FSD1L: variants seen among roughly 807,000 people sequenced by gnomAD.
FSD1L encodes fibronectin type III and SPRY domain containing 1 like.
A neutral mutation model predicts 71.6 loss-of-function variants in FSD1L; 45 were observed. That is an observed-to-expected ratio of 0.63 (90% CI 0.49 to 0.81). The LOEUF is 0.81. FSD1L is among the 30% of genes least tolerant of loss of function. The pLI, the probability that FSD1L is intolerant of heterozygous loss-of-function variation, is 0.00. For synonymous variants in FSD1L, 197 were observed against 207.2 expected, an observed-to-expected ratio of 0.95 and a Z score of 0.42; for missense variants, 561 against 618.1, an observed-to-expected ratio of 0.91 and a Z score of 0.98.
intron 13 of FSD1L, among the ~76,000 whole-genome samples, chr9:105,541,471 T>G (rs920649896): frequency 2.6e-5 from 4 of 152,162 alleles, no homozygotes; most frequent in African/African-American, 9.7e-5. Flanking sequence ...ATCTCATGTA[T>G]GTATGTACTG....
rs1018536837 is a variant in FSD1L at position 105,547,176 on chromosome 9, T to C, written c.*693T>C. ...AATGGCAAGGGGGGTATTCTTTATATGTTGCCTTGTTTAACTACAGTTCTT... is the reference window on the plus strand; with the variant it reads ...AATGGCAAGGGGGGTATTCTTTATACGTTGCCTTGTTTAACTACAGTTCTT... On this transcript the variant is annotated 3_prime_UTR_variant, in exon 14 of 14. Transcript: ENST00000481272. The C allele has an allele frequency of 5.2e-5, 8 of 152,492 alleles. No homozygotes were observed. The highest frequency in any genetic ancestry group is 1.2e-4 in the Non-Finnish European group (8 of 67,958). The allele number at this position is 152,492 out of a possible 1,614,324, so 9.4% of individuals were successfully genotyped here. A position where few individuals can be genotyped will look rare whatever the true frequency, so the allele number is the denominator to read the frequency against.
chr9:105,464,990 G>T (rs920942017), intron 3 of FSD1L, among the ~76,000 whole-genome samples: 1 of 151,932 alleles, frequency 6.6e-6, no homozygotes. Flanking sequence ...AAAAAGAAAA[G>T]AAAATGTTAT....
At chr9:105,520,260 G>A (rs970140286) in intron 10 of FSD1L, 74 of 1,597,336 alleles carry the variant, frequency 4.6e-5, no homozygotes, top group South Asian at 1.1e-5. Flanking sequence ...GGCTGAAGAA[G>A]ATGCATTCAT....
At chr9:105,443,824 T>G (rs1394811665), upstream of FSD1L, among the ~76,000 whole-genome samples, 4 of 152,210 alleles carry the variant, frequency 2.6e-5, no homozygotes, top group African/African-American at 7.2e-5. Flanking sequence ...TAATATTTTT[T>G]GAATGCTCAC....
At chr9:105,511,375 A>T (rs574910105) in intron 9 of FSD1L, among the ~76,000 whole-genome samples, 4 of 152,248 alleles carry the variant, frequency 2.6e-5, no homozygotes, top group African/African-American at 9.6e-5. Flanking sequence ...TCAAAAATGT[A>T]GAAGCTCTCA....
At chr9:105,445,588 G>A (rs186327697), upstream of FSD1L, among the ~76,000 whole-genome samples, 4 of 152,274 alleles carry the variant, frequency 2.6e-5, no homozygotes, top group Admixed American at 2.6e-4. Flanking sequence ...ACATCGCCAA[G>A]CCCTGTCTCC....
chr9:105,488,518 T>A (rs187730115), intron 7 of FSD1L, among the ~76,000 whole-genome samples: 44 of 152,316 alleles, frequency 2.9e-4, no homozygotes, highest in Non-Finnish European at 5.4e-4. Flanking sequence ...ACATAAGTTT[T>A]CAACTCCTTT....
rs113163845 is a variant in FSD1L, at chr9:105,524,683, G to A, written c.1026-9810G>A. 4.7e-3 allele frequency: 7,605 copies of A among 1,613,828 alleles called. 313 individuals are homozygous for A. The African/African-American group carries it at 0.088, about 19-fold the overall frequency. ...AGTCTGAAAGAGCCTGAGCCTCTGCGCTCTCCTGACTCAGAACGATCTTCT... is the reference window on the plus strand; with the variant it reads ...AGTCTGAAAGAGCCTGAGCCTCTGCACTCTCCTGACTCAGAACGATCTTCT... On this transcript the variant is annotated intron_variant, in intron 10 of 13. Transcript: ENST00000481272.
At chr9:105,524,531 C>T in intron 10 of FSD1L, 1 of 1,613,982 alleles carries the variant, frequency 6.2e-7, no homozygotes, top group Non-Finnish European at 8.5e-7. Flanking sequence ...AATCTGTTCT[C>T]AATTGCATTT....
At chr9:105,491,359 AC>A (rs1832925218) in intron 7 of FSD1L, among the ~76,000 whole-genome samples, 1 of 151,832 alleles carries the variant, frequency 6.6e-6, no homozygotes, top group Non-Finnish European at 1.5e-5. Flanking sequence ...GTATCCTGAG[AC>A]TTTGCTGAAG....
chr9:105,448,910 A>G (rs779696270), intron 1 of FSD1L, among the ~76,000 whole-genome samples: 2 of 152,234 alleles, frequency 1.3e-5, no homozygotes. Flanking sequence ...CAGTTGAGGA[A>G]AGGTTATATA....
rs558984946 is a variant in FSD1L, at chr9:105,510,514, T to C, written c.895+1799T>C. ...CAACCAACCAGTAGAAATTAGGGTATGGACAAAAAACTGGAGAGAAAGGAA... is the reference window on the plus strand; with the variant it reads ...CAACCAACCAGTAGAAATTAGGGTACGGACAAAAAACTGGAGAGAAAGGAA... On this transcript the variant is annotated intron_variant, in intron 9 of 13. Coordinates refer to ENST00000481272, the MANE Select transcript of FSD1L (RefSeq NM_001145313.3). Among the ~76,000 whole-genome samples, 23 of 152,284 alleles carry C rather than the reference T, an allele frequency of 1.5e-4. 1 individual carries two copies. The highest frequency in any genetic ancestry group is 4.8e-4 in the African/African-American group (20 of 41,572).
chr9:105,456,675 T>G (rs550369741), intron 1 of FSD1L, among the ~76,000 whole-genome samples: 11 of 152,324 alleles, frequency 7.2e-5, no homozygotes. Context: ...ATTGTATTTT[T>G]TTGTTGTTGT....
At chr9:105,455,948 A>G (rs895549224) in intron 1 of FSD1L, among the ~76,000 whole-genome samples, 1 of 152,194 alleles carries the variant, frequency 6.6e-6, no homozygotes, top group Non-Finnish European at 1.5e-5. Context: ...CTACTGTAGA[A>G]TTTGACTCAG....
intron 5 of FSD1L, among the ~76,000 whole-genome samples, chr9:105,478,994 C>T (rs986101959): frequency 7.2e-5 from 11 of 152,010 alleles, no homozygotes; most frequent in South Asian, 4.2e-4. Flanking sequence ...GGAAGTTGTC[C>T]CATGAAGGAG....
intron 10 of FSD1L, chr9:105,524,170 T>C: frequency 6.2e-7 from 1 of 1,612,236 alleles, no homozygotes; most frequent in Admixed American, 1.7e-5. Context: ...GAAGAACTAG[T>C]CCATGAGTCT....
intron 6 of FSD1L, among the ~76,000 whole-genome samples, chr9:105,481,171 GTGTGT>G (rs1564098315): frequency 1.2e-4 from 16 of 133,252 alleles, no homozygotes; most frequent in Admixed American, 4.5e-4. Flanking sequence ...GTGTGTGTGT[GTGTGT>G]GTGGTTCTTT....
intron 3 of FSD1L, among the ~76,000 whole-genome samples, chr9:105,465,308 C>T (rs1466162213): frequency 6.6e-6 from 1 of 152,160 alleles, no homozygotes; most frequent in Admixed American, 6.5e-5. Context: ...ATGGTTTTAC[C>T]ACTGAAATCT....
chr9:105,508,944 G>A (rs1043075249), intron 9 of FSD1L, among the ~76,000 whole-genome samples: 2 of 152,128 alleles, frequency 1.3e-5, no homozygotes, highest in Non-Finnish European at 2.9e-5. Flanking sequence ...TGAGATGATG[G>A]TATTGTATTC....
Sources: allele counts gnomAD v4.1 joint callset (sites outside exome capture counted in the v4.1 genomes callset), GRCh38; gene constraint gnomAD v4.1.1; transcripts MANE v1.5; gene names NCBI Gene and HGNC (gene_info 2026-07-23, HGNC 2026-07-21).